Variants in TENT5D observed in about 807,000 individuals in gnomAD.
TENT5D encodes the protein cancer/testis antigen 112.
For synonymous variants in TENT5D, 103 were observed against 100.6 expected, an observed-to-expected ratio of 1.02 and a Z score of -0.15; for missense variants, 191 against 287.0, an observed-to-expected ratio of 0.67 and a Z score of 2.42.
chrX:80,374,541 C>G (rs926667754), intron 3 of TENT5D, among the ~76,000 whole-genome samples: 1 of 110,900 alleles, frequency 9.0e-6, no homozygotes, highest in Middle Eastern at 4.6e-3. Context: ...TCCATTCTGA[C>G]TGTTGTGAGA....
chrX:80,336,864 T>G (rs1249492715), intron 2 of TENT5D, among the ~76,000 whole-genome samples: 1 of 112,017 alleles, frequency 8.9e-6, no homozygotes, highest in Non-Finnish European at 1.9e-5. Flanking sequence ...CTGAAGATAT[T>G]TGTTGTTAGG....
chrX:80,341,224 TG>T (rs1433437198), intron 2 of TENT5D, among the ~76,000 whole-genome samples: 1 of 112,399 alleles, frequency 8.9e-6, no homozygotes, highest in Non-Finnish European at 1.9e-5. Flanking sequence ...GCTATTTTAC[TG>T]TAAATAAAAG....
At chrX:80,384,109 G>C (rs749038796) in intron 3 of TENT5D, among the ~76,000 whole-genome samples, 2,609 of 106,553 alleles carry the variant, frequency 0.024, 97 homozygotes, top group African/African-American at 0.085. Context: ...AAGCCTGGCA[G>C]AGACACAACA....
intron 3 of TENT5D, among the ~76,000 whole-genome samples, chrX:80,407,281 C>G: frequency 9.0e-6 from 1 of 110,619 alleles, no homozygotes; most frequent in Non-Finnish European, 1.9e-5. Context: ...GGACTAAATG[C>G]TCCAATTAAA....
intron 3 of TENT5D, among the ~76,000 whole-genome samples, chrX:80,370,413 C>T (rs1008046306): frequency 1.8e-5 from 2 of 111,737 alleles, no homozygotes; most frequent in African/African-American, 6.5e-5. Flanking sequence ...GTTGAAAATA[C>T]AGAAAAAGTC....
At chrX:80,352,994 G>A (rs1019926742) in intron 3 of TENT5D, among the ~76,000 whole-genome samples, 14 of 111,424 alleles carry the variant, frequency 1.3e-4, no homozygotes, top group African/African-American at 4.2e-4. Flanking sequence ...CTTACCCTCC[G>A]TGGGCTGCAC....
intron 3 of TENT5D, among the ~76,000 whole-genome samples, chrX:80,400,041 C>T (rs748719544): frequency 1.4e-4 from 16 of 111,338 alleles, no homozygotes; most frequent in Non-Finnish European, 2.6e-4. Context: ...CTTCTGCAAG[C>T]TGGAGATCCT....
At chrX:80,353,568 C>G (rs1602501230) in intron 3 of TENT5D, among the ~76,000 whole-genome samples, 1 of 111,815 alleles carries the variant, frequency 8.9e-6, no homozygotes, top group East Asian at 2.8e-4. Context: ...ACTTAGGATA[C>G]TTACCTCTAG....
intron 3 of TENT5D, among the ~76,000 whole-genome samples, chrX:80,343,878 T>C (rs903719724): frequency 8.1e-5 from 9 of 111,308 alleles, no homozygotes; most frequent in African/African-American, 2.9e-4. Flanking sequence ...GGGTTTGGTA[T>C]ACAAATTATT....
intron 3 of TENT5D, among the ~76,000 whole-genome samples, chrX:80,408,350 G>A (rs927215280): frequency 7.3e-5 from 8 of 110,086 alleles, no homozygotes; most frequent in African/African-American, 1.3e-4. Flanking sequence ...TTGATAGACC[G>A]CTAGCAAGAC....
In TENT5D at chrX:80,439,360, C is replaced by T. The variant is rs191852904; in HGVS notation, c.-19+628C>T. On this transcript the variant is annotated intron_variant, in intron 2 of 2. Transcript: ENST00000308293. The stretch of plus-strand genomic sequence containing the variant: ...ATGGGTGGCTTTGTTGCAGTTTTTC[C>T]ACCTTTACCATGACATTCATCCAAA... Among the ~76,000 whole-genome samples the T allele has an allele frequency of 2.6e-3, 294 of 111,099 alleles. 1 individual carries two copies. Among genetic ancestry groups the T allele is most frequent in the African/African-American group, 8.7e-3 (268 of 30,787 alleles).
intron 1 of TENT5D, among the ~76,000 whole-genome samples, chrX:80,421,309 C>T (rs1006227161): frequency 9.0e-6 from 1 of 111,459 alleles, no homozygotes; most frequent in Non-Finnish European, 1.9e-5. Context: ...CCTCAGCCTC[C>T]AGAGTAGCTG....
At chrX:80,347,076 A>G (rs1930078923) in intron 3 of TENT5D, among the ~76,000 whole-genome samples, 1 of 111,617 alleles carries the variant, frequency 9.0e-6, no homozygotes, top group African/African-American at 3.3e-5. Flanking sequence ...CCAGTATATC[A>G]TTGATGGGCA....
chrX:80,431,871 C>T (rs759853471), intron 1 of TENT5D, among the ~76,000 whole-genome samples: 35 of 111,478 alleles, frequency 3.1e-4, no homozygotes, highest in African/African-American at 1.0e-3. Context: ...TGGCTTCTCA[C>T]ATGGGAAAAG....
At chrX:80,422,463 C>T (rs1433811877) in intron 1 of TENT5D, among the ~76,000 whole-genome samples, 2 of 111,425 alleles carry the variant, frequency 1.8e-5, no homozygotes, top group Admixed American at 1.9e-4. Flanking sequence ...CAGAGCTAGA[C>T]TATGTCTCAA....
intron 3 of TENT5D, among the ~76,000 whole-genome samples, chrX:80,351,580 A>G (rs1447245157): frequency 2.7e-5 from 3 of 109,694 alleles, no homozygotes; most frequent in Non-Finnish European, 3.8e-5. Context: ...GCTTCCTTGC[A>G]TTCAGTTAGA....
intron 1 of TENT5D, among the ~76,000 whole-genome samples, chrX:80,436,895 C>T (rs1045833541): frequency 8.9e-6 from 1 of 111,785 alleles, no homozygotes; most frequent in Admixed American, 9.6e-5. Flanking sequence ...ACAGAGATCA[C>T]TTTTGTCCCA....
At chrX:80,400,603 C>T (rs934255371) in intron 3 of TENT5D, among the ~76,000 whole-genome samples, 1 of 112,116 alleles carries the variant, frequency 8.9e-6, no homozygotes, top group African/African-American at 3.2e-5. Context: ...ACTGAAAATG[C>T]ACTAATCTGT....
intron 1 of TENT5D, among the ~76,000 whole-genome samples, chrX:80,429,495 G>T (rs1168432898): frequency 1.8e-5 from 2 of 108,769 alleles, no homozygotes. Context: ...TAGAGACAGG[G>T]TTTCACCATG....
Sources: gnomAD v4.1 joint callset for allele counts (sites outside exome capture counted in the v4.1 genomes callset) on GRCh38, gnomAD v4.1.1 for gene constraint, MANE v1.5 for transcripts, NCBI Gene and HGNC (gene_info 2026-07-23, HGNC 2026-07-21) for gene names.